The following PKP3 variants were observed in gnomAD, a reference collection of about 807,000 sequenced individuals.
PKP3 encodes the protein plakophilin 3, also known as plakophilin-3.
A neutral mutation model predicts 76.5 loss-of-function variants in PKP3; 66 were observed. That is an observed-to-expected ratio of 0.86 (90% CI 0.71 to 1.06). The LOEUF (loss-of-function observed/expected upper bound fraction) is 1.06. Ranked by LOEUF, PKP3 falls within the 50% of genes least tolerant of loss-of-function variation. PKP3 has a pLI of 0.00. For synonymous variants in PKP3, 638 were observed against 516.5 expected, an observed-to-expected ratio of 1.24 and a Z score of -3.19; for missense variants, 1,338 against 1,141.0, an observed-to-expected ratio of 1.17 and a Z score of -2.49.
At chr11:394,627 ACTCACCAGGC>A in intron 1 of PKP3, 103 bp downstream of exon 1, 1 of 983,978 alleles carries the variant, frequency 1.0e-6, no homozygotes, top group East Asian at 3.4e-5. Context: ...CCGGCTCCTG[ACTCACCAGGC>A]CTCACACTGA....
rs769714232 is a variant in PKP3, at chr11:400,130, C to G, written c.1437C>G (p.Thr479=). The G allele has an allele frequency of 4.5e-6, 7 of 1,560,556 alleles. No homozygotes were observed. The highest frequency in any genetic ancestry group is 2.7e-5 in the African/African-American group (2 of 72,820). Residue 479 remains threonine, a synonymous_variant, in exon 6 of 13, where the codon ACC becomes ACG. Transcript: ENST00000331563. Reference sequence around the variant, plus strand: ...AGGCAGAGATCTTCTACAACGCCACCGGCTTCCTCAGGTGCGCCAGCCTCG... The same window carrying G: ...AGGCAGAGATCTTCTACAACGCCACGGGCTTCCTCAGGTGCGCCAGCCTCG... The part of the protein sequence containing the change: ...ASEAEIFYNA[T]GFLRNLSSAS...
Position 404,358 on chromosome 11 carries a change from G to C in PKP3, c.2358+35G>C. 1 of 1,579,858 alleles carries C rather than the reference G, an allele frequency of 6.3e-7. No individual in the cohort carries two copies. The highest frequency in any genetic ancestry group is 8.7e-7 in the Non-Finnish European group (1 of 1,150,196). On this transcript the variant is annotated intron_variant, in intron 12 of 12. Coordinates refer to ENST00000331563, the MANE Select transcript of PKP3 (RefSeq NM_007183.4). This position sits in a 1 kb window ranked among gnomAD's most constrained non-coding sequence, Gnocchi z 4.2. ...CCGAGCCCAGGGCAAGCAGGGACCC[G>C]GGTGCAGGGCATGGGACGCCGGGGG...
At chr11:398,815 CGT>C (rs1847097629) in intron 4 of PKP3, among the ~76,000 whole-genome samples, 175 bp from the exon 5 acceptor site, 1 of 148,792 alleles carries the variant, frequency 6.7e-6, no homozygotes, top group Non-Finnish European at 1.5e-5. Flanking sequence ...GCGTCACCTC[CGT>C]ACCCCCGCAC....
intron 4 of PKP3, 64 bp from the exon 5 acceptor site, chr11:398,928 C>T: frequency 8.0e-7 from 1 of 1,252,266 alleles, no homozygotes; most frequent in South Asian, 1.4e-5. Context: ...CACAGCTGCA[C>T]ACAGGTGCAT....
In PKP3 at chr11:396,997, G is replaced by C; in HGVS notation, c.496G>C (p.Glu166Gln). 1.3e-6 allele frequency: 2 copies of C among 1,599,494 alleles called. No individual in the cohort carries two copies. The highest frequency in any genetic ancestry group is 1.7e-6 in the Non-Finnish European group (2 of 1,179,126). ...PMPTRPVSFH[E>Q]RGGVGSRADY... ...GCCCACCAGGCCCGTGTCCTTCCATGAGCGCGGTGGGGTTGGGAGCCGGGC... is the reference window on the plus strand; with the variant it reads ...GCCCACCAGGCCCGTGTCCTTCCATCAGCGCGGTGGGGTTGGGAGCCGGGC... Residue 166 changes from glutamate (E) to glutamine (Q), a missense_variant, in exon 3 of 13, where the codon GAG (glutamate) becomes CAG (glutamine). By Grantham distance (29) the Glu-to-Gln change is conservative. Coordinates refer to ENST00000331563, the MANE Select transcript of PKP3 (RefSeq NM_007183.4).
rs775919673 is a variant in PKP3 at position 403,611 on chromosome 11, C to T, written c.1924-7C>T. The T allele has an allele frequency of 6.2e-7, 1 of 1,602,876 alleles. No individual in the cohort carries two copies. On this transcript the variant is annotated splice_polypyrimidine_tract_variant and splice_region_variant and intron_variant, in intron 9 of 12. Coordinates refer to ENST00000331563, the MANE Select transcript of PKP3 (RefSeq NM_007183.4). ...CGGGTCACGGCTCACACCCTCCCTC[C>T]CCACAGTGGGCGGGGGTGCTGAGCC...
rs1042533677 is a variant in PKP3 at position 400,325 on chromosome 11, G to A, written c.1449-9G>A. On this transcript the variant is annotated splice_polypyrimidine_tract_variant and intron_variant, in intron 6 of 12. Coordinates refer to ENST00000331563, the MANE Select transcript of PKP3 (RefSeq NM_007183.4). ...TCCCTGGGGGGCTCTGATCCACCTC[G>A]GTCCCCAGGAACCTCAGCTCAGCCT... 3.9e-6 allele frequency: 6 copies of A among 1,544,990 alleles called. No individual in the cohort carries two copies. The highest frequency in any genetic ancestry group is 3.6e-5 in the South Asian group (3 of 83,748).
chr11:399,308 T>G, intron 5 of PKP3, 112 bp downstream of exon 5: 1 of 308,754 alleles, frequency 3.2e-6, no homozygotes. Flanking sequence ...TCTGCCCCCC[T>G]TCTCCACCTG....
chr11:403,286 G>T, intron 9 of PKP3, 23 bp downstream of exon 9: 1 of 1,543,452 alleles, frequency 6.5e-7, no homozygotes, highest in South Asian at 1.2e-5. Flanking sequence ...ACCCAGACCC[G>T]AGGGGGTCCC....
At position 397,287 on chromosome 11, in the gene PKP3, G is replaced by A; in HGVS notation, c.786G>A (p.Gly262=). ...TCCAGAGCAGCCACCGGAGCCGCGG[G>A]GTAGGCGGGGCAGTGCCGGGGGCCG... ...QRFQSSHRSR[G]VGGAVPGAVL... Residue 262 remains glycine, a synonymous_variant, in exon 3 of 13, where the codon GGG becomes GGA. Coordinates refer to ENST00000331563, the MANE Select transcript of PKP3 (RefSeq NM_007183.4). 1 of 1,594,758 alleles carries A rather than the reference G, an allele frequency of 6.3e-7. No homozygotes were observed. Among genetic ancestry groups the A allele is most frequent in the East Asian group, 2.3e-5 (1 of 44,194 alleles).
chr11:396,236 G>T (rs911506701), intron 1 of PKP3: 4 of 234,864 alleles, frequency 1.7e-5, no homozygotes, highest in East Asian at 9.6e-5. Context: ...TGTGGGCCGG[G>T]GCAGGCCAGG....
At chr11:396,552 G>A (rs1847047010) in intron 1 of PKP3, 56 bp from the exon 2 acceptor site, 2 of 1,242,186 alleles carry the variant, frequency 1.6e-6, no homozygotes, top group African/African-American at 1.5e-5. Flanking sequence ...AGAGGAGGCA[G>A]GAGGCCAGTG....
In PKP3 at chr11:397,267, A is replaced by G. The variant is rs1241902748; in HGVS notation, c.766A>G (p.Ser256Gly). 6.3e-7 allele frequency: 1 copy of G among 1,598,924 alleles called. No homozygotes were observed. The highest frequency in any genetic ancestry group is 8.5e-7 in the Non-Finnish European group (1 of 1,177,036). The change falls in exon 3 of 13, where the codon AGC (serine) becomes GGC (glycine). Residue 256 changes from serine to glycine, a missense_variant. Transcript: ENST00000331563. Reference sequence around the variant, plus strand: ...CGTGCGGACCCTGCAGCGATTCCAGAGCAGCCACCGGAGCCGCGGGGTAGG... The same window carrying G: ...CGTGCGGACCCTGCAGCGATTCCAGGGCAGCCACCGGAGCCGCGGGGTAGG... ...PAVRTLQRFQ[S>G]SHRSRGVGGA...
In PKP3 at chr11:397,709, G is replaced by A. The variant is rs200512397; in HGVS notation, c.1068+47G>A. 255 of 1,582,910 alleles carry A rather than the reference G, an allele frequency of 1.6e-4. 3 individuals are homozygous for A. The East Asian group carries it at 4.8e-3, about 30-fold the overall frequency. ...TCGCTGCCCCCTGGTGACCTCCTTCGTGGGCCCCACCACCTCCCACTGTCC... is the reference window on the plus strand; with the variant it reads ...TCGCTGCCCCCTGGTGACCTCCTTCATGGGCCCCACCACCTCCCACTGTCC... On this transcript the variant is annotated intron_variant, in intron 4 of 12. Transcript: ENST00000331563.
rs757351280 is a variant in PKP3 at position 397,274 on chromosome 11, A to T, written c.773A>T (p.His258Leu). 6.3e-7 allele frequency: 1 copy of T among 1,597,540 alleles called. No homozygotes were observed. The highest frequency in any genetic ancestry group is 1.1e-5 in the South Asian group (1 of 90,122). Residue 258 changes from histidine (H) to leucine (L), a missense_variant, in exon 3 of 13, where the codon CAC (histidine) becomes CTC (leucine). Transcript: ENST00000331563. ...VRTLQRFQSS[H>L]RSRGVGGAVP... ...ACCCTGCAGCGATTCCAGAGCAGCC[A>T]CCGGAGCCGCGGGGTAGGCGGGGCA...
At chr11:396,528 C>G (rs551727439) in intron 1 of PKP3, 80 bp from the exon 2 acceptor site, 32 of 1,009,314 alleles carry the variant, frequency 3.2e-5, no homozygotes, top group Non-Finnish European at 4.6e-5. Flanking sequence ...TTGCCAATAG[C>G]GATGGAGTGG....
At chr11:399,318 GC>G in intron 5 of PKP3, 122 bp downstream of exon 5, 1 of 297,848 alleles carries the variant, frequency 3.4e-6, no homozygotes, top group South Asian at 3.7e-5. Context: ...TTCTCCACCT[GC>G]CCCCTCTGCC....
In PKP3 at chr11:400,080, C is replaced by G; in HGVS notation, c.1387C>G (p.Pro463Ala). The G allele has an allele frequency of 6.3e-7, 1 of 1,598,470 alleles. No homozygotes were observed. Among genetic ancestry groups the G allele is most frequent in the East Asian group, 2.2e-5 (1 of 44,620 alleles). Residue 463 changes from proline (P) to alanine (A), a missense_variant, in exon 6 of 13, where the codon CCC becomes GCC. By Grantham distance (27) the Pro-to-Ala change is conservative (BLOSUM62 -1). Transcript: ENST00000331563. ...CCCCCTGTCGGGGGCTGGGGGTCCC[C>G]CCCTCATCCAGCAGAACGCCTCGGA... ...LSPLSGAGGP[P>A]LIQQNASEAE...
intron 1 of PKP3, among the ~76,000 whole-genome samples, chr11:395,516 T>C (rs527945587): frequency 1.0e-3 from 155 of 152,274 alleles, no homozygotes; most frequent in Admixed American, 3.5e-3. Context: ...GAAGGGTTAA[T>C]TACCACCCTG....
Sources: allele counts gnomAD v4.1 joint callset (sites outside exome capture counted in the v4.1 genomes callset), GRCh38; gene constraint gnomAD v4.1.1; non-coding constraint Gnocchi (gnomAD v3.1); transcripts MANE v1.5; gene names NCBI Gene and HGNC (gene_info 2026-07-23, HGNC 2026-07-21).